Variants in HDAC9 observed in about 807,000 individuals in gnomAD.
HDAC9 encodes MEF-2 interacting transcription repressor (MITR) protein.
Under a neutral mutation model 139.4 loss-of-function variants are expected in HDAC9, and 41 were observed. The observed-to-expected ratio is 0.29, with a 90% CI of 0.23 to 0.38. The LOEUF (loss-of-function observed/expected upper bound fraction) is 0.38. HDAC9 is among the 10% of genes least tolerant of loss of function. HDAC9 has a pLI of 1.00. For missense variants in HDAC9, 1,147 were observed against 1,297.0 expected (o/e 0.88, Z 1.78); for synonymous variants, 517 against 476.2 (o/e 1.09, Z -1.12).
intron 2 of HDAC9, among the ~76,000 whole-genome samples, chr7:18,566,185 T>C (rs1364051525): frequency 6.6e-6 from 1 of 152,230 alleles, no homozygotes; most frequent in Admixed American, 6.5e-5. Context: ...TTGCTATTTA[T>C]TATGGAAAGT....
At chr7:18,733,181 GTCTATACATA>G (rs1786527428) in intron 13 of HDAC9, among the ~76,000 whole-genome samples, 5 of 142,442 alleles carry the variant, frequency 3.5e-5, no homozygotes, top group Admixed American at 1.4e-4. Flanking sequence ...GTATATATGT[GTCTATACATA>G]TATACACGTG....
chr7:18,338,641 A>T (rs1781764500), intron 1 of HDAC9, among the ~76,000 whole-genome samples: 1 of 151,528 alleles, frequency 6.6e-6, no homozygotes, highest in Admixed American at 6.6e-5. Flanking sequence ...CATTATTGGG[A>T]TAAATCCTAC....
intron 21 of HDAC9, among the ~76,000 whole-genome samples, chr7:18,851,790 T>C (rs1797317942): frequency 6.6e-6 from 1 of 152,252 alleles, no homozygotes; most frequent in Admixed American, 6.5e-5. Flanking sequence ...ATTCCTGTCT[T>C]GTAAACTGCA....
intron 1 of HDAC9, among the ~76,000 whole-genome samples, chr7:18,381,190 C>A (rs1246342028): frequency 1.4e-5 from 1 of 73,026 alleles, no homozygotes; most frequent in South Asian, 6.0e-4. Flanking sequence ...CAGAGCAAGA[C>A]TCTGTCTCAA....
intron 1 of HDAC9, among the ~76,000 whole-genome samples, chr7:18,096,352 C>G (rs1464269450): frequency 6.6e-6 from 1 of 152,168 alleles, no homozygotes; most frequent in African/African-American, 2.4e-5. Context: ...ATTCTTTGGT[C>G]TCCACTTAGT....
intron 2 of HDAC9, among the ~76,000 whole-genome samples, chr7:18,169,268 G>A (rs994558325): frequency 6.6e-6 from 1 of 151,988 alleles, no homozygotes; most frequent in East Asian, 1.9e-4. Context: ...CAAAATAGAA[G>A]TACTTGTTTT....
At chr7:18,327,469 C>G (rs946747944) in intron 1 of HDAC9, 1 of 151,732 alleles carries the variant, frequency 6.6e-6, no homozygotes, top group Non-Finnish European at 1.5e-5. Flanking sequence ...TGCATAGATT[C>G]AACCTACTAT....
At chr7:18,784,943 TTG>T (rs147840943) in intron 16 of HDAC9, among the ~76,000 whole-genome samples, 361 of 28,120 alleles carry the variant, frequency 0.013, 2 homozygotes, top group Non-Finnish European at 0.039. Flanking sequence ...TAGCAATTGC[TTG>T]TGTGTGTGTG....
intron 1 of HDAC9, among the ~76,000 whole-genome samples, chr7:18,104,134 A>C (rs1353597896): frequency 6.6e-6 from 1 of 152,180 alleles, no homozygotes; most frequent in African/African-American, 2.4e-5. Flanking sequence ...TGCAAACTCT[A>C]TGCACACAGT....
chr7:18,437,824 C>T (rs1487687650), intron 1 of HDAC9, among the ~76,000 whole-genome samples: 1 of 150,482 alleles, frequency 6.6e-6, no homozygotes, highest in Non-Finnish European at 1.5e-5. Context: ...AGGGAAAGTC[C>T]CTCTCACAGG....
At chr7:18,688,893 A>G (rs1376852528) in intron 12 of HDAC9, among the ~76,000 whole-genome samples, 2 of 151,924 alleles carry the variant, frequency 1.3e-5, no homozygotes, top group Non-Finnish European at 2.9e-5. Context: ...CTACCTGGCA[A>G]AAACCATTTT....
chr7:18,488,381 C>T (rs910052570), intron 1 of HDAC9, among the ~76,000 whole-genome samples: 2 of 151,964 alleles, frequency 1.3e-5, no homozygotes, highest in African/African-American at 4.8e-5. Flanking sequence ...ATATGTAGTA[C>T]ATATACTAAT....
intron 23 of HDAC9, among the ~76,000 whole-genome samples, chr7:18,947,051 T>C (rs552872504): frequency 6.6e-6 from 1 of 152,080 alleles, no homozygotes; most frequent in African/African-American, 2.4e-5. Flanking sequence ...GAAATCACAG[T>C]GAAATACTAG....
chr7:18,900,162 A>G (rs532484576), intron 22 of HDAC9, among the ~76,000 whole-genome samples: 2 of 152,288 alleles, frequency 1.3e-5, no homozygotes, highest in South Asian at 4.1e-4. Flanking sequence ...GATACTCTTA[A>G]TTTCAAGTCT....
chr7:18,092,254 A>G (rs544037319), intron 1 of HDAC9, among the ~76,000 whole-genome samples: 4 of 152,116 alleles, frequency 2.6e-5, no homozygotes, highest in Admixed American at 6.5e-5. Context: ...CCTGAACGTG[A>G]TGGTGTGTGC....
At chr7:18,195,568 C>G (rs1790666243) in intron 2 of HDAC9, among the ~76,000 whole-genome samples, 1 of 152,104 alleles carries the variant, frequency 6.6e-6, no homozygotes, top group Non-Finnish European at 1.5e-5. Flanking sequence ...TGATAAGGGA[C>G]AAACACAATT....
intron 17 of HDAC9, among the ~76,000 whole-genome samples, chr7:18,810,437 G>A (rs1285341705): frequency 6.9e-6 from 1 of 145,662 alleles, no homozygotes; most frequent in African/African-American, 2.4e-5. Context: ...AAGATTCAAG[G>A]TAGAGTTCTT....
At chr7:18,746,779 A>C (rs1192847218) in intron 13 of HDAC9, among the ~76,000 whole-genome samples, 2 of 152,222 alleles carry the variant, frequency 1.3e-5, no homozygotes, top group Non-Finnish European at 2.9e-5. Flanking sequence ...AAAGGTAAAA[A>C]CACGACTATC....
At position 18,666,349 on chromosome 7, in the gene HDAC9, G is replaced by A; in HGVS notation, c.1604G>A (p.Ser535Asn). 5 of 1,613,420 alleles carry A rather than the reference G, an allele frequency of 3.1e-6. No individual in the cohort carries two copies. The highest frequency in any genetic ancestry group is 4.2e-6 in the Non-Finnish European group (5 of 1,179,624). ...GGCAACAGCACTAGGAGCGACAGCA[G>A]TGCTTGTGTGGATGACACACTGGGA... ...SSGNSTRSDS[S>N]ACVDDTLGQV... The change falls in exon 12 of 26, where the codon AGT becomes AAT. Residue 535 changes from serine to asparagine, a missense_variant. Coordinates refer to ENST00000686413, the MANE Select transcript of HDAC9 (RefSeq NM_178425.4).
Sources: gnomAD v4.1 joint callset for allele counts (sites outside exome capture counted in the v4.1 genomes callset) on GRCh38, gnomAD v4.1.1 for gene constraint, MANE v1.5 for transcripts, NCBI Gene and HGNC (gene_info 2026-07-23, HGNC 2026-07-21) for gene names.